The following RANBP2 variants were observed in gnomAD, a reference collection of about 807,000 sequenced individuals.
The protein encoded by RANBP2 is RAN binding protein 2, also known as E3 SUMO-protein ligase RanBP2.
A neutral mutation model predicts 303.6 loss-of-function variants in RANBP2; 57 were observed. The ratio of observed to expected loss-of-function variants is 0.19; its 90% confidence interval spans 0.15 to 0.23. RANBP2 has a LOEUF of 0.23. RANBP2 is among the 10% of genes least tolerant of loss of function. RANBP2 has a pLI of 1.00. For synonymous variants in RANBP2, 1,167 were observed against 1,301.5 expected, an observed-to-expected ratio of 0.90 and a Z score of 2.23; for missense variants, 3,138 against 3,780.8, an observed-to-expected ratio of 0.83 and a Z score of 4.46.
At chr2:109,606,741 G>A in the RANBP2 span, among the ~76,000 whole-genome samples, 2 of 127,242 alleles carry the variant, frequency 1.6e-5, no homozygotes, top group Non-Finnish European at 3.1e-5. Context: ...GTGCAGTGGT[G>A]CAATGTCGGC....
At chr2:109,794,607 G>GTCTCGGCCCGGC in the RANBP2 span, 1 of 480,270 alleles carries the variant, frequency 2.1e-6, no homozygotes, top group Non-Finnish European at 2.4e-6. Context: ...GGCGGCGGCG[G>GTCTCGGCCCGGC]CGGGGGGGGC....
the RANBP2 span, among the ~76,000 whole-genome samples, chr2:109,650,773 G>T: frequency 6.6e-6 from 1 of 152,062 alleles, no homozygotes; most frequent in Non-Finnish European, 1.5e-5. Flanking sequence ...CATGCTAAAC[G>T]TGCCTTTTGC....
the RANBP2 span, among the ~76,000 whole-genome samples, chr2:109,317,653 T>A: frequency 2.6e-5 from 4 of 152,190 alleles, no homozygotes; most frequent in Non-Finnish European, 4.4e-5. Flanking sequence ...TGGCTGAGTT[T>A]AAATGACTTC....
Position 108,769,256 on chromosome 2 carries a change from C to G in RANBP2, c.7849+868C>G, listed in dbSNP as rs1248400865. The G allele has an allele frequency of 4.1e-6, 4 of 985,076 alleles. No individual in the cohort carries two copies. In the African/African-American group the frequency reaches 7.0e-5, roughly 17 times the overall value. The allele number at this position is 985,076 out of a possible 1,614,324, so 61.0% of individuals were successfully genotyped here. A position where few individuals can be genotyped will look rare whatever the true frequency, so the allele number is the denominator to read the frequency against. Reference sequence around the variant, plus strand: ...TAAAAAACGAAATATTCTTTATTTTCTAGGATTTAATTTTAGCCTTTTTAA... The same window carrying G: ...TAAAAAACGAAATATTCTTTATTTTGTAGGATTTAATTTTAGCCTTTTTAA... On this transcript the variant is annotated intron_variant, in intron 20 of 28. Transcript: ENST00000283195.
chr2:108,824,907 T>C, the RANBP2 span, among the ~76,000 whole-genome samples: 1 of 152,186 alleles, frequency 6.6e-6, no homozygotes, highest in Non-Finnish European at 1.5e-5. Flanking sequence ...ATGTGGTCAG[T>C]TGACCGAAAT....
rs767990485 is a variant in RANBP2, at chr2:108,753,523, A to C, written c.2015A>C (p.Glu672Ala). The change falls in exon 14 of 29, where the codon GAA becomes GCA. Residue 672 changes from glutamate (E) to alanine (A), a missense_variant. Transcript: ENST00000283195. ...GNIEDAVTAF[E>A]SIKSVVSYWN... The stretch of plus-strand genomic sequence containing the variant: ...ATAGAAGATGCTGTGACTGCTTTTG[A>C]ATCTATAAAAAGTGTTGTTTCTTAT... The C allele has an allele frequency of 1.9e-6, 3 of 1,611,884 alleles. No individual in the cohort carries two copies. Among genetic ancestry groups the C allele is most frequent in the Admixed American group, 1.7e-5 (1 of 60,016 alleles).
the RANBP2 span, among the ~76,000 whole-genome samples, chr2:109,731,298 A>G: frequency 1.3e-5 from 2 of 152,202 alleles, no homozygotes; most frequent in East Asian, 3.8e-4. Context: ...TAGTAGGAGA[A>G]TTAGTTGGAG....
the RANBP2 span, among the ~76,000 whole-genome samples, chr2:109,708,289 G>A: frequency 6.6e-6 from 1 of 152,086 alleles, no homozygotes; most frequent in Non-Finnish European, 1.5e-5. Flanking sequence ...GAGCCTGGGA[G>A]GTTGAGGCTG....
At chr2:108,854,010 AAT>A in the RANBP2 span, among the ~76,000 whole-genome samples, 1,370 of 99,418 alleles carry the variant, frequency 0.014, 19 homozygotes, top group Non-Finnish European at 0.022. Flanking sequence ...TATTATATAT[AAT>A]ATATAATAAA....
the RANBP2 span, among the ~76,000 whole-genome samples, chr2:109,625,260 T>C: frequency 6.6e-6 from 1 of 151,918 alleles, no homozygotes; most frequent in African/African-American, 2.4e-5. Flanking sequence ...GCAGCATTGT[T>C]TGTAATAGCA....
rs192222614 is a variant in RANBP2 at position 108,758,210 on chromosome 2, T to C, written c.2467-203T>C. Among the ~76,000 whole-genome samples the C allele has an allele frequency of 8.6e-5, 13 of 151,944 alleles. No homozygotes were observed. The East Asian group carries it at 2.5e-3, about 30-fold the overall frequency. On this transcript the variant is annotated intron_variant, in intron 17 of 28. Coordinates refer to ENST00000283195, the MANE Select transcript of RANBP2 (RefSeq NM_006267.5). ...TACTCAGGGCGCTGAAGTGGGAGAATTGCTTGAGCCCAGGAGGTGGAGGTT... is the reference window on the plus strand; with the variant it reads ...TACTCAGGGCGCTGAAGTGGGAGAACTGCTTGAGCCCAGGAGGTGGAGGTT...
rs149826319 is a variant in RANBP2 at position 108,763,574 on chromosome 2, G to C, written c.3035G>C (p.Gly1012Ala). 2 of 1,613,988 alleles carry C rather than the reference G, an allele frequency of 1.2e-6. No homozygotes were observed. The highest frequency in any genetic ancestry group is 2.7e-5 in the African/African-American group (2 of 74,910). ...GKTNFVQPMP[G>A]EGLRPSLPTQ... ...ACTAATTTTGTTCAGCCCATGCCGG[G>C]TGAAGGATTAAGGCCATCTTTGCCA... The change falls in exon 20 of 29, where the codon GGT (glycine) becomes GCT (alanine). Residue 1012 changes from glycine to alanine, a missense_variant. Gly to Ala is a moderately conservative substitution (Grantham distance 60). This residue lies in a region of RANBP2 where 403 missense variants were observed against 376.7 expected (regional missense o/e 1.07). Coordinates refer to ENST00000283195, the MANE Select transcript of RANBP2 (RefSeq NM_006267.5).
the RANBP2 span, among the ~76,000 whole-genome samples, chr2:109,708,660 A>G: frequency 6.6e-6 from 1 of 151,984 alleles, no homozygotes; most frequent in Non-Finnish European, 1.5e-5. Context: ...CAAAATAAAT[A>G]AATTAATTAA....
the RANBP2 span, among the ~76,000 whole-genome samples, chr2:109,689,380 A>T: frequency 6.6e-6 from 1 of 152,224 alleles, no homozygotes. Flanking sequence ...GACATTCCAT[A>T]GGCCTCCTAG....
At chr2:109,166,293 A>G in the RANBP2 span, among the ~76,000 whole-genome samples, 19 of 152,154 alleles carry the variant, frequency 1.2e-4, no homozygotes, top group African/African-American at 4.6e-4. Context: ...CCTGGCCAAC[A>G]TAGTGAAACC....
At chr2:109,429,051 G>A in the RANBP2 span, among the ~76,000 whole-genome samples, 11 of 152,190 alleles carry the variant, frequency 7.2e-5, no homozygotes, top group Non-Finnish European at 1.6e-4. Flanking sequence ...TGAGAAACAG[G>A]GTAACAGGCG....
chr2:108,999,469 C>T, the RANBP2 span, among the ~76,000 whole-genome samples: 1 of 152,178 alleles, frequency 6.6e-6, no homozygotes, highest in Non-Finnish European at 1.5e-5. Context: ...ATGACTTTCC[C>T]ACACATCTAA....
chr2:109,551,767 A>C, the RANBP2 span, among the ~76,000 whole-genome samples: 1 of 152,270 alleles, frequency 6.6e-6, no homozygotes, highest in Non-Finnish European at 1.5e-5. Flanking sequence ...TTGAAATAAT[A>C]AACTAGCACA....
At chr2:109,712,763 T>C in the RANBP2 span, among the ~76,000 whole-genome samples, 1 of 152,208 alleles carries the variant, frequency 6.6e-6, no homozygotes, top group African/African-American at 2.4e-5. Context: ...GATATTGGCA[T>C]AAAGGCAAAT....
Sources: gnomAD v4.1 joint callset for allele counts (sites outside exome capture counted in the v4.1 genomes callset) on GRCh38, gnomAD v4.1.1 for gene constraint, gnomAD v4.1.1 regional missense constraint, MANE v1.5 for transcripts, NCBI Gene and HGNC (gene_info 2026-07-23, HGNC 2026-07-21) for gene names.